Variants in DPP6 observed in about 807,000 individuals in gnomAD.
DPP6 encodes the protein dipeptidyl peptidase like 6, also known as A-type potassium channel modulatory protein DPP6.
A neutral mutation model predicts 122.6 loss-of-function variants in DPP6; 69 were observed. The observed-to-expected ratio is 0.56, with a 90% CI of 0.46 to 0.69. The LOEUF is 0.69. Among genes scored for constraint, DPP6 ranks in the 30% least tolerant of loss-of-function variants. The probability of loss-of-function intolerance (pLI) is 0.00; values close to 1 mark genes in which losing one functional copy is unlikely to be tolerated. For synonymous variants in DPP6, 418 were observed against 433.1 expected, an observed-to-expected ratio of 0.97 and a Z score of 0.43; for missense variants, 928 against 1,116.9, an observed-to-expected ratio of 0.83 and a Z score of 2.41.
intron 1 of DPP6, among the ~76,000 whole-genome samples, chr7:153,978,907 A>G (rs571278710): frequency 2.3e-4 from 35 of 152,100 alleles, no homozygotes; most frequent in Middle Eastern, 3.4e-3. Context: ...ATTGGTTGAT[A>G]TATCTGTTTT....
intron 1 of DPP6, among the ~76,000 whole-genome samples, chr7:153,897,973 C>T (rs937911100): frequency 2.6e-5 from 4 of 152,030 alleles, no homozygotes; most frequent in African/African-American, 9.7e-5. Context: ...GGATAAGGAG[C>T]AATGAAAGAA....
chr7:154,555,213 CATAAT>C (rs1563847496), intron 4 of DPP6, among the ~76,000 whole-genome samples: 1 of 152,046 alleles, frequency 6.6e-6, no homozygotes, highest in East Asian at 1.9e-4. Context: ...ACTTTTTTCT[CATAAT>C]AGAATTTTAT....
intron 1 of DPP6, among the ~76,000 whole-genome samples, chr7:154,391,479 G>A (rs1044228668): frequency 8.5e-5 from 13 of 152,182 alleles, no homozygotes. Flanking sequence ...CGTCTTTCCA[G>A]ACCCAAATTC....
chr7:154,698,371 G>C (rs1840334347), intron 7 of DPP6, among the ~76,000 whole-genome samples: 1 of 152,150 alleles, frequency 6.6e-6, no homozygotes, highest in South Asian at 2.1e-4. Flanking sequence ...TGGAATTACT[G>C]AGTCAAAAAC....
intron 1 of DPP6, among the ~76,000 whole-genome samples, chr7:153,975,395 A>G (rs1350599645): frequency 7.0e-6 from 1 of 142,164 alleles, no homozygotes; most frequent in African/African-American, 2.7e-5. Context: ...TAGACTCTCT[A>G]TTAGAGAAAT....
intron 7 of DPP6, among the ~76,000 whole-genome samples, chr7:154,681,451 T>A (rs1463785623): frequency 6.6e-6 from 1 of 152,230 alleles, no homozygotes; most frequent in Non-Finnish European, 1.5e-5. Flanking sequence ...GGCAGTTAGT[T>A]ATAAATGAAC....
At chr7:154,371,072 A>T (rs1812612192) in intron 1 of DPP6, among the ~76,000 whole-genome samples, 1 of 152,184 alleles carries the variant, frequency 6.6e-6, no homozygotes, top group Admixed American at 6.5e-5. Context: ...ATGCTCTTTC[A>T]TCTTCAAATC....
chr7:153,956,020 T>C (rs947313128), intron 1 of DPP6, among the ~76,000 whole-genome samples: 17 of 152,312 alleles, frequency 1.1e-4, no homozygotes, highest in Admixed American at 9.1e-4. Context: ...GAGAAGCAGA[T>C]GGATGTTCAG....
chr7:154,296,764 G>T (rs543712422), intron 1 of DPP6, among the ~76,000 whole-genome samples: 2 of 152,346 alleles, frequency 1.3e-5, no homozygotes, highest in Admixed American at 6.5e-5. Flanking sequence ...GTGATAGTGG[G>T]TATGGATTTG....
chr7:153,814,867 A>T, the DPP6 span, among the ~76,000 whole-genome samples: 1 of 151,814 alleles, frequency 6.6e-6, no homozygotes, highest in Non-Finnish European at 1.5e-5. Flanking sequence ...CCACATGATT[A>T]TCTCAATAGA....
At position 154,313,707 on chromosome 7, in the gene DPP6, A is replaced by G. The variant is rs374367731; in HGVS notation, c.244-132507A>G. Among the ~76,000 whole-genome samples the G allele has an allele frequency of 1.3e-4, 4 of 30,842 alleles. 1 individual carries two copies. The highest frequency in any genetic ancestry group is 1.6e-3 in the South Asian group (1 of 642). The allele number at this position is 30,842 out of a possible 152,430, so 20.2% of individuals were successfully genotyped here. ...ATGGTATATATATATATATATATATATATATATACACACACACGCACGCAC... is the reference window on the plus strand; with the variant it reads ...ATGGTATATATATATATATATATATGTATATATACACACACACGCACGCAC... On this transcript the variant is annotated intron_variant, in intron 1 of 25. Transcript: ENST00000377770.
intron 1 of DPP6, among the ~76,000 whole-genome samples, chr7:154,273,749 GT>G (rs1803949389): frequency 6.6e-6 from 1 of 152,208 alleles, no homozygotes; most frequent in African/African-American, 2.4e-5. Context: ...CTTAGAATGA[GT>G]TTCCCTGAGA....
chr7:154,646,037 A>AAAAAAAAAAG (rs1554421932), intron 6 of DPP6, among the ~76,000 whole-genome samples: 2 of 150,198 alleles, frequency 1.3e-5, no homozygotes, highest in Non-Finnish European at 3.0e-5. Flanking sequence ...CAAAAAAAAA[A>AAAAAAAAAAG]AAAAAAAAGA....
At chr7:154,542,417 C>T (rs937686356) in intron 4 of DPP6, among the ~76,000 whole-genome samples, 2 of 152,126 alleles carry the variant, frequency 1.3e-5, no homozygotes, top group African/African-American at 2.4e-5. Context: ...ATCATTATTT[C>T]CTGTGAGGAT....
At chr7:154,715,462 A>G (rs1320628223) in intron 7 of DPP6, among the ~76,000 whole-genome samples, 3 of 152,328 alleles carry the variant, frequency 2.0e-5, no homozygotes, top group Non-Finnish European at 4.4e-5. Flanking sequence ...GGAATCACAC[A>G]CTTGTACAAT....
At chr7:154,384,566 C>A (rs1482549348) in intron 1 of DPP6, among the ~76,000 whole-genome samples, 1 of 152,114 alleles carries the variant, frequency 6.6e-6, no homozygotes, top group Non-Finnish European at 1.5e-5. Flanking sequence ...CGAAATCTGT[C>A]TGTTGTCACA....
rs1283749221 is a variant in DPP6, at chr7:154,223,548, A to G, written c.243+170485A>G. On this transcript the variant is annotated intron_variant, in intron 1 of 25. Transcript: ENST00000377770. Reference sequence around the variant, plus strand: ...GGGTGTAAGCCAGCAAGATCAGCCAAGCCCCCTGAGGCTCTGAGATCAAAT... The same window carrying G: ...GGGTGTAAGCCAGCAAGATCAGCCAGGCCCCCTGAGGCTCTGAGATCAAAT... 2.0e-5 allele frequency among the ~76,000 whole-genome samples: 3 copies of G among 149,476 alleles called. No homozygotes were observed. In the East Asian group the frequency reaches 5.9e-4, roughly 29 times the overall value.
At chr7:154,472,348 T>G (rs1338448618) in intron 2 of DPP6, among the ~76,000 whole-genome samples, 5 of 152,218 alleles carry the variant, frequency 3.3e-5, no homozygotes, top group African/African-American at 1.2e-4. Context: ...CTCTTGAAAA[T>G]ACTGCATCCA....
chr7:153,898,768 A>G (rs1799516996), intron 1 of DPP6, among the ~76,000 whole-genome samples: 1 of 152,168 alleles, frequency 6.6e-6, no homozygotes, highest in African/African-American at 2.4e-5. Flanking sequence ...TGAGAAACAC[A>G]CAAGTGATGA....
Sources: allele counts gnomAD v4.1 joint callset (sites outside exome capture counted in the v4.1 genomes callset), GRCh38; gene constraint gnomAD v4.1.1; transcripts MANE v1.5; gene names NCBI Gene and HGNC (gene_info 2026-07-23, HGNC 2026-07-21).